Variants in DNAAF11 observed in about 807,000 individuals in gnomAD.
DNAAF11 encodes leucine rich repeat containing 6.
Under a neutral mutation model 60.8 loss-of-function variants are expected in DNAAF11, and 45 were observed. The ratio of observed to expected loss-of-function variants is 0.74; its 90% CI spans 0.58 to 0.95. The LOEUF (loss-of-function observed/expected upper bound fraction) is 0.95. DNAAF11 is among the 40% of genes least tolerant of loss of function. The pLI is 0.00. For synonymous variants in DNAAF11, 191 were observed against 183.5 expected, an observed-to-expected ratio of 1.04 and a Z score of -0.33; for missense variants, 546 against 546.2, an observed-to-expected ratio of 1.00 and a Z score of 0.00.
intron 3 of DNAAF11, among the ~76,000 whole-genome samples, chr8:132,652,154 T>C (rs971172377): frequency 6.6e-6 from 1 of 152,188 alleles, no homozygotes; most frequent in Non-Finnish European, 1.5e-5. Context: ...GAGCAGCTTG[T>C]CTGCCTCTAT....
chr8:132,648,258 C>T lies in DNAAF11; in HGVS notation c.256+8572G>A, dbSNP rs573012083. On this transcript the variant is annotated intron_variant, in intron 3 of 11. Coordinates refer to ENST00000620350, the MANE Select transcript of DNAAF11 (RefSeq NM_012472.6). Reference sequence around the variant, plus strand: ...ATATAAACACAACCAAAGACAAAAACCACATGATTATCTCAATAGATGCAG... The same window carrying T: ...ATATAAACACAACCAAAGACAAAAATCACATGATTATCTCAATAGATGCAG... 3.3e-5 allele frequency among the ~76,000 whole-genome samples: 5 copies of T among 152,256 alleles called. No homozygotes were observed. The South Asian group carries it at 1.0e-3, about 32-fold the overall frequency.
In DNAAF11 at chr8:132,615,930, G is replaced by A. The variant is rs148592602; in HGVS notation, c.915-833C>T. Among the ~76,000 whole-genome samples, 253 of 152,134 alleles carry A rather than the reference G, an allele frequency of 1.7e-3. 2 individuals carry two copies. The highest frequency in any genetic ancestry group is 3.0e-3 in the Non-Finnish European group (203 of 68,004). ...AAGTTAGCGATAGATTTGGCTGTTC[G>A]CCCCATTTCTGCTTGTGGCAGGCAC... On this transcript the variant is annotated intron_variant, in intron 7 of 11. Coordinates refer to ENST00000620350, the MANE Select transcript of DNAAF11 (RefSeq NM_012472.6).
chr8:132,597,854 TG>T (rs1306238268), intron 10 of DNAAF11, among the ~76,000 whole-genome samples: 3 of 152,072 alleles, frequency 2.0e-5, no homozygotes, highest in East Asian at 1.9e-4. Context: ...TTAGTGGGGT[TG>T]GGGGGGAATT....
chr8:132,637,598 C>T (rs747917717), intron 4 of DNAAF11, among the ~76,000 whole-genome samples: 35 of 150,462 alleles, frequency 2.3e-4, no homozygotes, highest in Non-Finnish European at 1.6e-4. Context: ...GAGTGAGACT[C>T]CATCTCAAAA....
the DNAAF11 span, among the ~76,000 whole-genome samples, chr8:132,696,212 A>C: frequency 6.6e-6 from 1 of 152,236 alleles, no homozygotes; most frequent in Non-Finnish European, 1.5e-5. Context: ...ATTATCCATC[A>C]GGGAAATACA....
Position 132,675,502 on chromosome 8 carries a change from T to C in DNAAF11, c.-9A>G, listed in dbSNP as rs1235078621. ...GGCTTACTCCAGCCCATGGCGCCTCTCCAGTTCGCTGACCCCGCAAGCCGG... is the reference window on the plus strand; with the variant it reads ...GGCTTACTCCAGCCCATGGCGCCTCCCCAGTTCGCTGACCCCGCAAGCCGG... On this transcript the variant is annotated 5_prime_UTR_variant, in exon 1 of 12. Coordinates refer to ENST00000620350, the MANE Select transcript of DNAAF11 (RefSeq NM_012472.6). 20 of 1,561,812 alleles carry C rather than the reference T, an allele frequency of 1.3e-5. No individual in the cohort carries two copies. Among genetic ancestry groups the C allele is most frequent in the Non-Finnish European group, 1.7e-5 (20 of 1,149,822 alleles).
chr8:132,629,451 C>T (rs1266655219), intron 5 of DNAAF11, among the ~76,000 whole-genome samples: 2 of 151,830 alleles, frequency 1.3e-5, no homozygotes, highest in Non-Finnish European at 2.9e-5. Context: ...GGGTTCATGC[C>T]ATTCTCCGGC....
At chr8:132,587,466 A>G (rs960831207) in intron 10 of DNAAF11, among the ~76,000 whole-genome samples, 2 of 152,132 alleles carry the variant, frequency 1.3e-5, no homozygotes, top group African/African-American at 4.8e-5. Flanking sequence ...TTCTGATAAG[A>G]TCAAATTTGC....
At chr8:132,699,597 C>T in the DNAAF11 span, among the ~76,000 whole-genome samples, 1 of 152,090 alleles carries the variant, frequency 6.6e-6, no homozygotes, top group African/African-American at 2.4e-5. Flanking sequence ...AATATCCTTT[C>T]CCATTTTCCT....
At chr8:132,647,280 T>C (rs1411245017) in intron 3 of DNAAF11, among the ~76,000 whole-genome samples, 1 of 151,682 alleles carries the variant, frequency 6.6e-6, no homozygotes, top group Non-Finnish European at 1.5e-5. Context: ...GAAATAAAGA[T>C]GAGAAACCAA....
chr8:132,638,938 C>T (rs1821581798), intron 3 of DNAAF11, among the ~76,000 whole-genome samples: 1 of 152,184 alleles, frequency 6.6e-6, no homozygotes, highest in East Asian at 1.9e-4. Flanking sequence ...CTCATCCTTG[C>T]TAATGTGACC....
chr8:132,697,898 A>T, the DNAAF11 span, among the ~76,000 whole-genome samples: 1 of 152,224 alleles, frequency 6.6e-6, no homozygotes, highest in Non-Finnish European at 1.5e-5. Flanking sequence ...AGAAGCAAGG[A>T]GGACCTCAAT....
intron 11 of DNAAF11, among the ~76,000 whole-genome samples, chr8:132,577,836 A>AT (rs901511944): frequency 1.3e-3 from 186 of 146,478 alleles, no homozygotes; most frequent in Middle Eastern, 3.6e-3. Flanking sequence ...TAATTTTTGT[A>AT]TTTTTTTTTT....
the DNAAF11 span, among the ~76,000 whole-genome samples, chr8:132,693,448 AGTGTGT>A: frequency 6.3e-3 from 939 of 148,564 alleles, 16 homozygotes; most frequent in African/African-American, 0.022. Context: ...AATGTATGTG[AGTGTGT>A]GTGTGTGTGT....
the DNAAF11 span, among the ~76,000 whole-genome samples, chr8:132,696,759 G>A: frequency 2.0e-5 from 3 of 152,262 alleles, no homozygotes; most frequent in South Asian, 6.2e-4. Flanking sequence ...TGGAGCTGGA[G>A]GCCATTATTC....
chr8:132,602,412 G>C (rs1817722778), intron 10 of DNAAF11, among the ~76,000 whole-genome samples: 1 of 152,068 alleles, frequency 6.6e-6, no homozygotes, highest in South Asian at 2.1e-4. Flanking sequence ...CTGTCTTCTA[G>C]AGTTTTCCCA....
At chr8:132,656,765 C>T (rs1193755056) in intron 3 of DNAAF11, 65 bp downstream of exon 3, 1 of 733,252 alleles carries the variant, frequency 1.4e-6, no homozygotes, top group African/African-American at 1.8e-5. Flanking sequence ...AGCCACTGCA[C>T]CTGGCCTTCT....
intron 2 of DNAAF11, among the ~76,000 whole-genome samples, chr8:132,658,996 G>A (rs1823866614): frequency 6.6e-6 from 1 of 152,154 alleles, no homozygotes; most frequent in Admixed American, 6.5e-5. Context: ...CACAAACTTG[G>A]AGTAGACCCT....
At chr8:132,667,783 A>G (rs1824776164) in intron 1 of DNAAF11, among the ~76,000 whole-genome samples, 1 of 152,224 alleles carries the variant, frequency 6.6e-6, no homozygotes, top group Non-Finnish European at 1.5e-5. Context: ...AATATGAATG[A>G]GTTCTCCAAA....
Sources: gnomAD v4.1 joint callset for allele counts (sites outside exome capture counted in the v4.1 genomes callset) on GRCh38, gnomAD v4.1.1 for gene constraint, MANE v1.5 for transcripts, NCBI Gene and HGNC (gene_info 2026-07-23, HGNC 2026-07-21) for gene names.